SIGLEC1: variants seen among roughly 807,000 people sequenced by gnomAD.
The protein encoded by SIGLEC1 is sialic acid binding Ig like lectin 1.
Under a neutral mutation model 148.0 loss-of-function variants are expected in SIGLEC1, and 132 were observed. The ratio of observed to expected loss-of-function variants is 0.89; its 90% CI spans 0.77 to 1.03. SIGLEC1 has a LOEUF of 1.03. Among genes scored for constraint, SIGLEC1 ranks in the 50% least tolerant of loss-of-function variants. The pLI is 0.00. For synonymous variants in SIGLEC1, 945 were observed against 969.0 expected, an observed-to-expected ratio of 0.98 and a Z score of 0.46; for missense variants, 2,253 against 2,271.4, an observed-to-expected ratio of 0.99 and a Z score of 0.16.
rs2146518580 is a variant in SIGLEC1, at chr20:3,691,414, G to A, written c.4517C>T (p.Ala1506Val). The change falls in exon 18 of 22, where the codon GCT becomes GTT. Residue 1506 changes from alanine (A) to valine (V), a missense_variant. Coordinates refer to ENST00000344754, the MANE Select transcript of SIGLEC1 (RefSeq NM_023068.4). ...LAFTHVARAQAGMYHCLAELP... is the reference protein window; with the variant it reads ...LAFTHVARAQVGMYHCLAELP... ...CTCAGCCAGGCAGTGGTACATCCCAGCTTGAGCACGAGCCACGTGGGTGAA... is the reference window on the plus strand; with the variant it reads ...CTCAGCCAGGCAGTGGTACATCCCAACTTGAGCACGAGCCACGTGGGTGAA... 1 of 1,613,232 alleles carries A rather than the reference G, an allele frequency of 6.2e-7. No homozygotes were observed. The highest frequency in any genetic ancestry group is 2.2e-5 in the East Asian group (1 of 44,896).
chr20:3,692,470 C>T (rs2146519630), intron 16 of SIGLEC1, 51 bp downstream of exon 16: 1 of 1,522,836 alleles, frequency 6.6e-7, no homozygotes, highest in Non-Finnish European at 8.8e-7. Flanking sequence ...CCCAGAAGCA[C>T]CCTCCACCAC....
intron 1 of SIGLEC1, among the ~76,000 whole-genome samples, chr20:3,709,685 A>C (rs4349409): frequency 0.34 from 51,606 of 152,156 alleles, 10,033 homozygotes; most frequent in South Asian, 0.44. Flanking sequence ...CAGTGAATGG[A>C]TGTGGATAAA....
chr20:3,711,028 C>T (rs529416941), intron 1 of SIGLEC1, among the ~76,000 whole-genome samples: 2 of 152,208 alleles, frequency 1.3e-5, no homozygotes, highest in Non-Finnish European at 2.9e-5. Flanking sequence ...CCCCGCCCCC[C>T]GCAACTTGGG....
chr20:3,693,953 A>G (rs6115991), intron 13 of SIGLEC1, among the ~76,000 whole-genome samples: 3,046 of 152,230 alleles, frequency 0.02, 116 homozygotes, highest in African/African-American at 0.069. Flanking sequence ...CTGGGGGCAA[A>G]TGGGGAGACC....
At position 3,696,652 on chromosome 20, in the gene SIGLEC1, T is replaced by C; in HGVS notation, c.2617A>G (p.Ser873Gly). The change falls in exon 11 of 22, where the codon AGC becomes GGC. Residue 873 changes from serine (S) to glycine (G), a missense_variant. By Grantham distance (56) the Ser-to-Gly change is moderately conservative (BLOSUM62 0). Transcript: ENST00000344754. Reference protein sequence around the residue: ...VRELGLGDSGSYRCEATNVLG... With the variant: ...VRELGLGDSGGYRCEATNVLG... Reference sequence around the variant, plus strand: ...ACATTTGTGGCCTCACAGCGGTAGCTGCCAGAGTCCCCAAGGCCCAGTTCT... The same window carrying C: ...ACATTTGTGGCCTCACAGCGGTAGCCGCCAGAGTCCCCAAGGCCCAGTTCT... 1 of 1,613,866 alleles carries C rather than the reference T, an allele frequency of 6.2e-7. No homozygotes were observed. The highest frequency in any genetic ancestry group is 8.5e-7 in the Non-Finnish European group (1 of 1,180,008).
In SIGLEC1 at chr20:3,704,056, A is replaced by T; in HGVS notation, c.742T>A (p.Ser248Thr). The T allele has an allele frequency of 6.2e-7, 1 of 1,613,382 alleles. No individual in the cohort carries two copies. Among genetic ancestry groups the T allele is most frequent in the Non-Finnish European group, 8.5e-7 (1 of 1,179,822 alleles). Reference sequence around the variant, plus strand: ...TCACCTGGAAGGATGTTCCTCCCCGAGGGGCTGAGGAGGATCTTCACACCC... The same window carrying T: ...TCACCTGGAAGGATGTTCCTCCCCGTGGGGCTGAGGAGGATCTTCACACCC... ...PKGVKILLSPSGRNILPGELV... is the reference protein window; with the variant it reads ...PKGVKILLSPTGRNILPGELV... The change falls in exon 5 of 22, where the codon TCG (serine) becomes ACG (threonine). Residue 248 changes from serine to threonine, a missense_variant. Transcript: ENST00000344754.
intron 11 of SIGLEC1, among the ~76,000 whole-genome samples, 200 bp downstream of exon 11, chr20:3,696,386 C>T (rs1332893697): frequency 6.6e-6 from 1 of 152,182 alleles, no homozygotes; most frequent in Non-Finnish European, 1.5e-5. Context: ...GCCATTGCCT[C>T]CTAGTGGCTG....
chr20:3,703,519 C>T, intron 5 of SIGLEC1, 68 bp from the exon 6 acceptor site: 1 of 1,519,370 alleles, frequency 6.6e-7, no homozygotes, highest in Non-Finnish European at 8.8e-7. Context: ...CATACAGTCC[C>T]CGGGTCTCAG....
In SIGLEC1 at chr20:3,703,887, G is replaced by A. The variant is rs765890493; in HGVS notation, c.911C>T (p.Thr304Ile). The A allele has an allele frequency of 2.7e-5, 43 of 1,614,006 alleles. No homozygotes were observed. In the Admixed American group the frequency reaches 4.2e-4, roughly 16 times the overall value. ...GCCCACGCCGTTCTCAGCTTGGCAG[G>A]TGTAGACGCCAGCATCGCTCCAGGC... Reference protein sequence around the residue: ...QAAWSDAGVYTCQAENGVGSL... With the variant: ...QAAWSDAGVYICQAENGVGSL... Residue 304 changes from threonine (T) to isoleucine (I), a missense_variant, in exon 5 of 22, where the codon ACC (threonine) becomes ATC (isoleucine). By Grantham distance (89) the Thr-to-Ile change is moderately conservative (BLOSUM62 -1). Coordinates refer to ENST00000344754, the MANE Select transcript of SIGLEC1 (RefSeq NM_023068.4).
chr20:3,697,268 G>C lies in SIGLEC1; in HGVS notation c.2197C>G (p.Arg733Gly). The C allele has an allele frequency of 6.2e-7, 1 of 1,613,974 alleles. No homozygotes were observed. Among genetic ancestry groups the C allele is most frequent in the Non-Finnish European group, 8.5e-7 (1 of 1,180,038 alleles). Residue 733 changes from arginine to glycine, a missense_variant, in exon 10 of 22, where the codon CGG (arginine) becomes GGG (glycine). Transcript: ENST00000344754. ...TTAGCAGGGCTGCCAGCAGCTTCCC[G>C]GCTCACGTTGCAAGTCAAGTTGGCT... ...TEANLTCNVSREAAGSPANFS... is the reference protein window; with the variant it reads ...TEANLTCNVSGEAAGSPANFS...
chr20:3,688,570 G>A lies in SIGLEC1; in HGVS notation c.5120C>T (p.Pro1707Leu). ...ATCETSTCAP[P>L]LG ...AGGCAACACCACTGGTCAGCCCAGG[G>A]GTGGGGCACAGGTTGAGGTCTCACA... The change falls in exon 22 of 22, where the codon CCC (proline) becomes CTC (leucine). Residue 1707 changes from proline to leucine, a missense_variant. Coordinates refer to ENST00000344754, the MANE Select transcript of SIGLEC1 (RefSeq NM_023068.4). 1.2e-6 allele frequency: 2 copies of A among 1,600,798 alleles called. No individual in the cohort carries two copies. The highest frequency in any genetic ancestry group is 1.7e-6 in the Non-Finnish European group (2 of 1,173,168).
Position 3,688,667 on chromosome 20 carries a change from GCAGGCCCC to G in SIGLEC1, c.5071-56_5071-49del, listed in dbSNP as rs143263310. The G allele has an allele frequency of 2.3e-5, 34 of 1,483,082 alleles. No homozygotes were observed. In the African/African-American group the frequency reaches 4.4e-4, roughly 19 times the overall value. The allele number at this position is 1,483,082 out of a possible 1,614,324, so 91.9% of individuals were successfully genotyped here. On this transcript the variant is annotated intron_variant, in intron 21 of 21. Transcript: ENST00000344754. ...TCACAGGAGGCCTCTGGGAGCCAGG[GCAGGCCCC>G]CAGGCCCCCAGCCTCAGGTGGGGTC...
intron 20 of SIGLEC1, 63 bp from the exon 21 acceptor site, chr20:3,689,290 T>TC (rs1394007075): frequency 7.1e-7 from 1 of 1,404,534 alleles, no homozygotes; most frequent in African/African-American, 1.4e-5. Flanking sequence ...CCCATTCCTC[T>TC]CCCGCTCCCC....
At chr20:3,703,690 G>A in intron 5 of SIGLEC1, 135 bp downstream of exon 5, 1 of 1,248,176 alleles carries the variant, frequency 8.0e-7, no homozygotes. Context: ...GGCAGGGCTG[G>A]GACTCCACAC....
chr20:3,699,138 C>A, intron 8 of SIGLEC1, 64 bp downstream of exon 8: 8 of 1,569,332 alleles, frequency 5.1e-6, no homozygotes, highest in Non-Finnish European at 6.9e-6. Flanking sequence ...GGCTGGGGGG[C>A]CTAGAGGAGG....
At chr20:3,711,852 G>A (rs1232875243) in intron 1 of SIGLEC1, among the ~76,000 whole-genome samples, 1 of 152,212 alleles carries the variant, frequency 6.6e-6, no homozygotes, top group Non-Finnish European at 1.5e-5. Context: ...GGACGAAGTG[G>A]TGATGGATGA....
In SIGLEC1 at chr20:3,696,745, G is replaced by T. The variant is rs1328450710; in HGVS notation, c.2524C>A (p.Pro842Thr). The change falls in exon 11 of 22, where the codon CCC becomes ACC. Residue 842 changes from proline (P) to threonine (T), a missense_variant. By Grantham distance (38) the Pro-to-Thr change is conservative. Transcript: ENST00000344754. ...GEHLLATSLG[P>T]QVPSHGRFQA... Reference sequence around the variant, plus strand: ...AACCGACCATGGGATGGGACCTGGGGACCCAGGCTGGTGGCCAGGAGGTGC... The same window carrying T: ...AACCGACCATGGGATGGGACCTGGGTACCCAGGCTGGTGGCCAGGAGGTGC... 6.2e-7 allele frequency: 1 copy of T among 1,613,514 alleles called. No individual in the cohort carries two copies. The highest frequency in any genetic ancestry group is 2.2e-5 in the East Asian group (1 of 44,884).
At position 3,696,737 on chromosome 20, in the gene SIGLEC1, G is replaced by A. The variant is rs776414622; in HGVS notation, c.2532C>T (p.Val844=). The A allele has an allele frequency of 1.2e-5, 20 of 1,613,378 alleles. No homozygotes were observed. Among genetic ancestry groups the A allele is most frequent in the Non-Finnish European group, 1.6e-5 (19 of 1,179,968 alleles). Residue 844 remains valine (V), a synonymous_variant, in exon 11 of 22, where the codon GTC becomes GTT. Transcript: ENST00000344754. ...HLLATSLGPQ[V]PSHGRFQAKA... is the part of the protein sequence containing the mutation. ...TAGCCTGGAACCGACCATGGGATGGGACCTGGGGACCCAGGCTGGTGGCCA... is the reference window on the plus strand; with the variant it reads ...TAGCCTGGAACCGACCATGGGATGGAACCTGGGGACCCAGGCTGGTGGCCA...
At chr20:3,698,662 G>A (rs1316325920) in intron 8 of SIGLEC1, among the ~76,000 whole-genome samples, 1 of 152,248 alleles carries the variant, frequency 6.6e-6, no homozygotes, top group Non-Finnish European at 1.5e-5. Flanking sequence ...GCCCCCATGT[G>A]ATCTCACTCA....
Sources: allele counts gnomAD v4.1 joint callset (sites outside exome capture counted in the v4.1 genomes callset), GRCh38; gene constraint gnomAD v4.1.1; transcripts MANE v1.5; gene names NCBI Gene and HGNC (gene_info 2026-07-23, HGNC 2026-07-21).